Variants in MYO15A observed in about 807,000 individuals in gnomAD.
The protein encoded by MYO15A is myosin XVA, also known as unconventional myosin-XV.
MYO15A carries 308 observed loss-of-function variants against 394.6 expected under a neutral mutation model. The observed-to-expected ratio is 0.78, with a 90% CI of 0.71 to 0.86. The LOEUF (loss-of-function observed/expected upper bound fraction) is 0.86, where lower values mean the gene tolerates loss of function less well. Among genes scored for constraint, MYO15A ranks in the 40% least tolerant of loss-of-function variants. The pLI is 0.00. For missense variants in MYO15A, 4,606 were observed against 4,799.1 expected, an observed-to-expected ratio of 0.96 and a Z score of 1.19; for synonymous variants, 1,957 against 2,003.8, an observed-to-expected ratio of 0.98 and a Z score of 0.62.
chr17:18,148,165 A>T lies in MYO15A; in HGVS notation c.6646A>T (p.Thr2216Ser). The T allele has an allele frequency of 6.2e-7, 1 of 1,613,788 alleles. No individual in the cohort carries two copies. Among genetic ancestry groups the T allele is most frequent in the Non-Finnish European group, 8.5e-7 (1 of 1,180,026 alleles). The change falls in exon 31 of 66, where the codon ACC becomes TCC. Residue 2216 changes from threonine to serine, a missense_variant. Physicochemically the swap from Thr to Ser is moderately conservative, Grantham distance 58 (BLOSUM62 1). Transcript: ENST00000647165. This position sits in a 1 kb window ranked among gnomAD's most constrained non-coding sequence, Gnocchi z 4.8. ...LPPTQLEWTATYEKASMALDV... is the reference protein window; with the variant it reads ...LPPTQLEWTASYEKASMALDV... ...CCCGACCCAGCTCGAGTGGACAGCG[A>T]CCTATGAGAAGGCCAGCATGGCGCT...
At position 18,121,811 on chromosome 17, in the gene MYO15A, CA is replaced by C; in HGVS notation, c.3012del (p.Ala1005LeufsTer53). 6.2e-7 allele frequency: 1 copy of C among 1,612,834 alleles called. No individual in the cohort carries two copies. The highest frequency in any genetic ancestry group is 8.5e-7 in the Non-Finnish European group (1 of 1,179,926). On this transcript the variant is annotated frameshift_variant, in exon 2 of 66. Coordinates refer to ENST00000647165, the MANE Select transcript of MYO15A (RefSeq NM_016239.4). LOFTEE classifies it high-confidence loss of function. The surrounding 1 kb of genome is among the most constrained non-coding windows in gnomAD (Gnocchi z 5.3). ...HEPGPGQLTK[S>X]AGPTPEKPEE... Reference sequence around the variant, plus strand: ...CCGGGGCCTGGACAGCTCACCAAATCAGCTGGCCCAACCCCTGAGAAGCCTG... The same window carrying C: ...CCGGGGCCTGGACAGCTCACCAAATCGCTGGCCCAACCCCTGAGAAGCCTG...
chr17:18,157,676 A>T, intron 50 of MYO15A, 46 bp from the exon 51 acceptor site: 1 of 1,601,168 alleles, frequency 6.2e-7, no homozygotes, highest in South Asian at 1.1e-5. Flanking sequence ...CCTTAGTCAC[A>T]AGACAAGACC....
In MYO15A at chr17:18,130,856, G is replaced by A. The variant is rs758577462; in HGVS notation, c.4038+46G>A. The A allele has an allele frequency of 6.5e-6, 10 of 1,541,836 alleles. No individual in the cohort carries two copies. The East Asian group carries it at 1.3e-4, about 21-fold the overall frequency. Reference sequence around the variant, plus strand: ...TGTGTGTGTGTGTGTGTGTGTGTGTGTGTGTGTGTGTGTGTCTGTCCAGGA... The same window carrying A: ...TGTGTGTGTGTGTGTGTGTGTGTGTATGTGTGTGTGTGTGTCTGTCCAGGA... On this transcript the variant is annotated intron_variant, in intron 8 of 65. Transcript: ENST00000647165.
chr17:18,171,635 C>A lies in MYO15A; in HGVS notation c.10083-3C>A. The A allele has an allele frequency of 6.2e-7, 1 of 1,613,950 alleles. No homozygotes were observed. On this transcript the variant is annotated splice_polypyrimidine_tract_variant and splice_region_variant and intron_variant, in intron 62 of 65. Transcript: ENST00000647165. ...GACCTTTTTCCCCTTCCTCCGTACA[C>A]AGGCGGGAAGTCCAGGAGTACATCC...
chr17:18,148,353 G>C lies in MYO15A; in HGVS notation c.6691+143G>C. 1 of 1,452,782 alleles carries C rather than the reference G, an allele frequency of 6.9e-7. No individual in the cohort carries two copies. Among genetic ancestry groups the C allele is most frequent in the Non-Finnish European group, 9.4e-7 (1 of 1,064,858 alleles). The allele number at this position is 1,452,782 out of a possible 1,614,324, so 90.0% of individuals were successfully genotyped here. A position where few individuals can be genotyped will look rare whatever the true frequency, so the allele number is the denominator to read the frequency against. ...GGCTCTGCGTGAAAGTCTGTGTGTG[G>C]GGGTGGGACCTGGCCCAGGAAAGGG... On this transcript the variant is annotated intron_variant, in intron 31 of 65. Coordinates refer to ENST00000647165, the MANE Select transcript of MYO15A (RefSeq NM_016239.4). This position sits in a 1 kb window ranked among gnomAD's most constrained non-coding sequence, Gnocchi z 4.8.
chr17:18,157,637 G>C lies in MYO15A; in HGVS notation c.8789-85G>C. 10 of 1,588,258 alleles carry C rather than the reference G, an allele frequency of 6.3e-6. No individual in the cohort carries two copies. The South Asian group carries it at 1.0e-4, about 16-fold the overall frequency. On this transcript the variant is annotated intron_variant, in intron 50 of 65. Transcript: ENST00000647165. The stretch of plus-strand genomic sequence containing the variant: ...TCATAGAGTTCCAGAGAAGGGTTAA[G>C]AATGTTCCCAAATCTCCCTAAAGGA...
intron 8 of MYO15A, 36 bp from the exon 9 acceptor site, chr17:18,131,203 A>G (rs1458627780): frequency 5.1e-6 from 8 of 1,579,802 alleles, no homozygotes; most frequent in Non-Finnish European, 7.0e-6. Flanking sequence ...AACAGTGCCT[A>G]GCCCCTCAAT....
Position 18,120,009 on chromosome 17 carries a change from G to A in MYO15A, c.1209G>A (p.Glu403=), listed in dbSNP as rs1310811908. ...YPPEVPYFYP[E]ESASAFVYPW... ...CCGAGGTGCCCTATTTTTACCCGGA[G>A]GAGTCGGCTTCGGCCTTTGTGTACC... The change falls in exon 2 of 66, where the codon GAG becomes GAA. Residue 403 remains glutamate, a synonymous_variant. Coordinates refer to ENST00000647165, the MANE Select transcript of MYO15A (RefSeq NM_016239.4). 2 of 1,613,594 alleles carry A rather than the reference G, an allele frequency of 1.2e-6. No individual in the cohort carries two copies. Among genetic ancestry groups the A allele is most frequent in the Middle Eastern group, 1.6e-4 (1 of 6,084 alleles).
chr17:18,161,371 C>T lies in MYO15A; in HGVS notation c.9441C>T (p.Ser3147=), dbSNP rs556795712. ...TGTATATCGTGACCGCCTACCACAGCTGCTCTGAGGTCCTCCACCCACACC... is the reference window on the plus strand; with the variant it reads ...TGTATATCGTGACCGCCTACCACAGTTGCTCTGAGGTCCTCCACCCACACC... ...RLLYIVTAYH[S]CSEVLHPHLT... is the part of the protein sequence containing the mutation. Residue 3147 remains serine (S), a synonymous_variant, in exon 57 of 66, where the codon AGC becomes AGT. Coordinates refer to ENST00000647165, the MANE Select transcript of MYO15A (RefSeq NM_016239.4). 2.1e-5 allele frequency: 34 copies of T among 1,614,136 alleles called. No individual in the cohort carries two copies. The South Asian group carries it at 3.5e-4, about 17-fold the overall frequency.
rs1033503022 is a variant in MYO15A, at chr17:18,117,032, CCTG to C, written c.-219-1546_-219-1544del. Among the ~76,000 whole-genome samples, 12 of 152,306 alleles carry C rather than the reference CCTG, an allele frequency of 7.9e-5. No homozygotes were observed. Among genetic ancestry groups the C allele is most frequent in the African/African-American group, 2.2e-4 (9 of 41,562 alleles). ...GGGAGAGTGGGCAGCCCCTCAAACT[CCTG>C]CTGTGCAGGAGGCCCACTTCCTGCA... On this transcript the variant is annotated intron_variant, in intron 1 of 65. Coordinates refer to ENST00000647165, the MANE Select transcript of MYO15A (RefSeq NM_016239.4). This position sits in a 1 kb window ranked among gnomAD's most constrained non-coding sequence, Gnocchi z 4.1.
rs1203800825 is a variant in MYO15A, at chr17:18,136,412, C to T, written c.4597-5C>T. On this transcript the variant is annotated splice_polypyrimidine_tract_variant and splice_region_variant and intron_variant, in intron 13 of 65. Transcript: ENST00000647165. Reference sequence around the variant, plus strand: ...ATGTCACTCAAGGGCTGTGCCCGTCCCTAGGAGACAATGCGAGAGAAGATC... The same window carrying T: ...ATGTCACTCAAGGGCTGTGCCCGTCTCTAGGAGACAATGCGAGAGAAGATC... 1 of 1,613,718 alleles carries T rather than the reference C, an allele frequency of 6.2e-7. No individual in the cohort carries two copies. Among genetic ancestry groups the T allele is most frequent in the Non-Finnish European group, 8.5e-7 (1 of 1,180,028 alleles).
intron 62 of MYO15A, among the ~76,000 whole-genome samples, chr17:18,170,269 C>T (rs1367424172): frequency 2.0e-5 from 3 of 151,952 alleles, no homozygotes; most frequent in African/African-American, 4.8e-5. Flanking sequence ...AGATGATGTC[C>T]GTACCATGTG....
rs1362088841 is a variant in MYO15A, at chr17:18,143,771, G to A, written c.6021G>A (p.Leu2007=). The A allele has an allele frequency of 1.9e-6, 3 of 1,593,470 alleles. No individual in the cohort carries two copies. Among genetic ancestry groups the A allele is most frequent in the Non-Finnish European group, 2.6e-6 (3 of 1,170,358 alleles). Residue 2007 remains leucine, a synonymous_variant, in exon 27 of 66, where the codon CTG becomes CTA. Coordinates refer to ENST00000647165, the MANE Select transcript of MYO15A (RefSeq NM_016239.4). ...GGCACCTGGAGGTACCGGCTGAGCT[G>A]GCTGGGCTCTTGCAAGCAGTGGCAG... is the stretch of plus-strand genomic sequence containing the variant. The part of the protein sequence containing the change: ...AVGHLEVPAE[L]AGLLQAVAGL...
intron 18 of MYO15A, chr17:18,139,172 G>A: frequency 4.6e-6 from 3 of 649,172 alleles, no homozygotes; most frequent in Non-Finnish European, 8.4e-6. Flanking sequence ...AAAATGTAGG[G>A]TGGGTTTGAT....
rs190781526 is a variant in MYO15A at position 18,156,537 on chromosome 17, G to A, written c.8601+201G>A. Among the ~76,000 whole-genome samples, 9 of 152,342 alleles carry A rather than the reference G, an allele frequency of 5.9e-5. No homozygotes were observed. In the East Asian group the frequency reaches 1.7e-3, roughly 29 times the overall value. On this transcript the variant is annotated intron_variant, in intron 48 of 65. Transcript: ENST00000647165. ...AACCTTTGCCAGTGCCCCCTGCCGG[G>A]TGGCACAGCACCTCCTCTGAGGTCT... is the stretch of plus-strand genomic sequence containing the variant.
At position 18,142,853 on chromosome 17, in the gene MYO15A, C is replaced by A; in HGVS notation, c.5910+13C>A. On this transcript the variant is annotated intron_variant, in intron 25 of 65. Coordinates refer to ENST00000647165, the MANE Select transcript of MYO15A (RefSeq NM_016239.4). ...ACGCTATCTCAAGGTATAGGCCCTACCCTATCTGGGTCCAAGGGGACAGCA... is the reference window on the plus strand; with the variant it reads ...ACGCTATCTCAAGGTATAGGCCCTAACCTATCTGGGTCCAAGGGGACAGCA... The A allele has an allele frequency of 1.2e-6, 2 of 1,605,160 alleles. No individual in the cohort carries two copies. Among genetic ancestry groups the A allele is most frequent in the Non-Finnish European group, 8.5e-7 (1 of 1,175,946 alleles).
intron 25 of MYO15A, 75 bp from the exon 26 acceptor site, chr17:18,143,491 G>GCTGGC (rs2046418518): frequency 6.6e-7 from 1 of 1,525,536 alleles, no homozygotes; most frequent in Non-Finnish European, 8.9e-7. Flanking sequence ...CCTTGCGTAA[G>GCTGGC]CTGGCCTGGC....
intron 25 of MYO15A, among the ~76,000 whole-genome samples, chr17:18,143,312 T>C (rs1363784238): frequency 6.6e-6 from 1 of 152,174 alleles, no homozygotes; most frequent in African/African-American, 2.4e-5. Context: ...CCTCCTTGTG[T>C]GTCTCTTTCC....
chr17:18,124,330 A>T, intron 2 of MYO15A, 153 bp from the exon 3 acceptor site: 1 of 741,852 alleles, frequency 1.3e-6, no homozygotes, highest in Non-Finnish European at 2.4e-6. Context: ...TGGGGGCCAC[A>T]GCATTCTGTA....
Sources: gnomAD v4.1 joint callset for allele counts (sites outside exome capture counted in the v4.1 genomes callset) on GRCh38, gnomAD v4.1.1 for gene constraint, Gnocchi (gnomAD v3.1) non-coding constraint, MANE v1.5 for transcripts, NCBI Gene and HGNC (gene_info 2026-07-23, HGNC 2026-07-21) for gene names.